C8A: variants seen among roughly 807,000 people sequenced by gnomAD.
The protein encoded by C8A is complement C8 alpha chain.
A neutral mutation model predicts 65.3 loss-of-function variants in C8A; 67 were observed. That is an observed-to-expected ratio of 1.03 (90% CI 0.84 to 1.26). The LOEUF is 1.26. Ranked by LOEUF, C8A falls within the 50% of genes most tolerant of loss-of-function variation. The pLI, the probability that C8A is intolerant of heterozygous loss-of-function variation, is 0.00. For synonymous variants in C8A, 290 were observed against 259.4 expected, an observed-to-expected ratio of 1.12 and a Z score of -1.13; for missense variants, 781 against 723.9, an observed-to-expected ratio of 1.08 and a Z score of -0.90.
At chr1:56,898,004 C>T (rs778210510) in intron 7 of C8A, among the ~76,000 whole-genome samples, 1 of 152,098 alleles carries the variant, frequency 6.6e-6, no homozygotes, top group Non-Finnish European at 1.5e-5. Context: ...TCTGCCCCTC[C>T]CACTTGCTAG....
chr1:56,895,117 T>G (rs1644378870), intron 7 of C8A, among the ~76,000 whole-genome samples: 1 of 152,164 alleles, frequency 6.6e-6, no homozygotes, highest in Non-Finnish European at 1.5e-5. Flanking sequence ...TGTGACTCAC[T>G]TAGTATTGAA....
intron 6 of C8A, among the ~76,000 whole-genome samples, 161 bp downstream of exon 6, chr1:56,883,842 G>A (rs1644268489): frequency 6.6e-6 from 1 of 151,908 alleles, no homozygotes; most frequent in South Asian, 2.1e-4. Flanking sequence ...TTCTTATTAC[G>A]CTTTTGCACA....
At chr1:56,915,905 G>C (rs1046472338) in intron 10 of C8A, among the ~76,000 whole-genome samples, 8 of 152,210 alleles carry the variant, frequency 5.3e-5, no homozygotes, top group Non-Finnish European at 8.8e-5. Context: ...GGAAAGTGGG[G>C]TATGTACCAG....
intron 7 of C8A, among the ~76,000 whole-genome samples, chr1:56,891,635 T>C (rs1001240001): frequency 6.6e-6 from 1 of 152,112 alleles, no homozygotes; most frequent in Non-Finnish European, 1.5e-5. Flanking sequence ...AATTAAGGAA[T>C]TTATAGATAG....
At chr1:56,892,367 G>T (rs1644353284) in intron 7 of C8A, among the ~76,000 whole-genome samples, 1 of 152,134 alleles carries the variant, frequency 6.6e-6, no homozygotes, top group Non-Finnish European at 1.5e-5. Context: ...CTGTGAGGGA[G>T]GCATGGTTTC....
intron 7 of C8A, among the ~76,000 whole-genome samples, chr1:56,887,837 C>T (rs1026343268): frequency 1.6e-4 from 25 of 152,124 alleles, no homozygotes; most frequent in African/African-American, 5.6e-4. Context: ...TTTGCAGGGA[C>T]ATGGGTGAAA....
At chr1:56,893,530 G>T (rs1296544269) in intron 7 of C8A, among the ~76,000 whole-genome samples, 2 of 152,074 alleles carry the variant, frequency 1.3e-5, no homozygotes, top group Admixed American at 6.6e-5. Context: ...GGGCTTGTTT[G>T]GTTGAAAATA....
At chr1:56,907,774 A>G (rs1570351891) in intron 8 of C8A, among the ~76,000 whole-genome samples, 182 bp from the exon 9 acceptor site, 1 of 152,182 alleles carries the variant, frequency 6.6e-6, no homozygotes. Flanking sequence ...GGATGGGTCT[A>G]TTTCTGAGTC....
intron 6 of C8A, among the ~76,000 whole-genome samples, chr1:56,885,294 A>ATT (rs1201904016): frequency 7.5e-5 from 10 of 132,806 alleles, no homozygotes; most frequent in East Asian, 2.0e-4. Flanking sequence ...ACATAAATAT[A>ATT]TATTTATATA....
intron 7 of C8A, among the ~76,000 whole-genome samples, chr1:56,894,022 T>C (rs1347090923): frequency 6.6e-6 from 1 of 152,124 alleles, no homozygotes; most frequent in Non-Finnish European, 1.5e-5. Context: ...AGAGTAAGAG[T>C]TCAAAAATGT....
intron 7 of C8A, among the ~76,000 whole-genome samples, chr1:56,893,739 G>T (rs373941508): frequency 6.6e-6 from 1 of 152,124 alleles, no homozygotes; most frequent in African/African-American, 2.4e-5. Flanking sequence ...TCATAGAGTG[G>T]TTGGTTGTGA....
At chr1:56,872,098 C>G (rs1644151747) in intron 2 of C8A, among the ~76,000 whole-genome samples, 1 of 152,030 alleles carries the variant, frequency 6.6e-6, no homozygotes, top group African/African-American at 2.4e-5. Context: ...GTCAAAGAAG[C>G]AAAAATGTAG....
chr1:56,894,260 T>C (rs538744706), intron 7 of C8A, among the ~76,000 whole-genome samples: 1 of 152,098 alleles, frequency 6.6e-6, no homozygotes, highest in African/African-American at 2.4e-5. Context: ...ATATTTGCTG[T>C]GGACTTGGAG....
intron 2 of C8A, 121 bp downstream of exon 2, chr1:56,867,823 G>A (rs995149142): frequency 1.3e-6 from 1 of 767,624 alleles, no homozygotes; most frequent in Non-Finnish European, 2.3e-6. Context: ...TCTAGAAATT[G>A]TTGTTTGAAA....
chr1:56,916,802 C>G (rs1644556356), intron 10 of C8A, among the ~76,000 whole-genome samples: 1 of 141,220 alleles, frequency 7.1e-6, no homozygotes, highest in Non-Finnish European at 1.5e-5. Context: ...TCAGGCGGAG[C>G]CCCAGGCTAG....
intron 10 of C8A, among the ~76,000 whole-genome samples, chr1:56,915,063 G>C (rs762880277): frequency 6.6e-6 from 1 of 152,228 alleles, no homozygotes; most frequent in African/African-American, 2.4e-5. Context: ...TAAAGGTTGT[G>C]TTGAGGATTA....
intron 7 of C8A, 88 bp downstream of exon 7, chr1:56,886,255 A>C: frequency 2.0e-6 from 3 of 1,500,426 alleles, no homozygotes; most frequent in Non-Finnish European, 2.8e-6. Context: ...ACTATGAGCC[A>C]TGGGTGATCT....
chr1:56,890,283 T>G (rs1055451088), intron 7 of C8A, among the ~76,000 whole-genome samples: 6 of 152,126 alleles, frequency 3.9e-5, no homozygotes, highest in African/African-American at 1.4e-4. Context: ...CCCACCTCTG[T>G]GAAACCCGCT....
chr1:56,903,097 G>A (rs1020174219), intron 7 of C8A, among the ~76,000 whole-genome samples: 1 of 152,064 alleles, frequency 6.6e-6, no homozygotes, highest in African/African-American at 2.4e-5. Context: ...TTTGTCTGTA[G>A]GGTAGGATGT....
Sources: gnomAD v4.1 joint callset for allele counts (sites outside exome capture counted in the v4.1 genomes callset) on GRCh38, gnomAD v4.1.1 for gene constraint, MANE v1.5 for transcripts, NCBI Gene and HGNC (gene_info 2026-07-23, HGNC 2026-07-21) for gene names.